MCF2L: variants seen among roughly 807,000 people sequenced by gnomAD.
MCF2L encodes MCF.2 cell line derived transforming sequence like, also known as guanine nucleotide exchange factor DBS.
A neutral mutation model predicts 153.4 loss-of-function variants in MCF2L; 97 were observed. That is an observed-to-expected ratio of 0.63 (90% CI 0.54 to 0.75). MCF2L has a LOEUF of 0.75. Ranked by LOEUF, MCF2L falls within the 30% of genes least tolerant of loss-of-function variation. The pLI is 0.00. For missense variants in MCF2L, 1,347 were observed against 1,495.2 expected (o/e 0.90, Z 1.64); for synonymous variants, 659 against 632.2 (o/e 1.04, Z -0.64).
At chr13:113,088,074 A>G (rs1440345749) in intron 23 of MCF2L, among the ~76,000 whole-genome samples, 2 of 152,092 alleles carry the variant, frequency 1.3e-5, no homozygotes, top group Admixed American at 6.5e-5. Context: ...TCTGGCACGC[A>G]GGGCCGATTC....
At chr13:112,902,508 C>A in intron 2 of MCF2L, 1 of 932,656 alleles carries the variant, frequency 1.1e-6, no homozygotes, top group Non-Finnish European at 1.5e-6. Flanking sequence ...CCCCAGGTAG[C>A]AGGCTGTGGG....
chr13:113,078,508 G>C, intron 14 of MCF2L, 72 bp downstream of exon 14: 1 of 1,452,994 alleles, frequency 6.9e-7, no homozygotes, highest in South Asian at 1.2e-5. Flanking sequence ...GGTTCTCCGT[G>C]TGGCCCCCCC....
upstream of MCF2L, among the ~76,000 whole-genome samples, chr13:112,966,878 C>T (rs557432256): frequency 2.6e-5 from 4 of 152,334 alleles, no homozygotes; most frequent in East Asian, 3.9e-4. The surrounding 1 kb of genome is among the most constrained non-coding windows in gnomAD (Gnocchi z 4.1). Flanking sequence ...TGCACATCCT[C>T]GGGCCCCATC....
Position 113,081,234 on chromosome 13 carries a change from G to A in MCF2L, c.1830G>A (p.Leu610=). The change falls in exon 16 of 30, where the codon CTG becomes CTA. Residue 610 remains leucine (L), a synonymous_variant. Coordinates refer to ENST00000535094, the MANE Select transcript of MCF2L (RefSeq NM_001112732.3). ...ILRRHVMSEL[L]DTERAYVEEL... ...CCAGGCACGTGATGAGCGAGCTCCT[G>A]GACACAGAACGGGCCTACGTGGAGG... 6.3e-7 allele frequency: 1 copy of A among 1,592,058 alleles called. No homozygotes were observed. Among genetic ancestry groups the A allele is most frequent in the Non-Finnish European group, 8.5e-7 (1 of 1,170,306 alleles).
At chr13:112,966,116 G>T (rs2081890524), upstream of MCF2L, 1 of 152,248 alleles carries the variant, frequency 6.6e-6, no homozygotes, top group African/African-American at 2.4e-5. The surrounding 1 kb of genome is among the most constrained non-coding windows in gnomAD (Gnocchi z 4.1). Context: ...GGAGCACTCT[G>T]GCAGGTACCT....
intron 3 of MCF2L, among the ~76,000 whole-genome samples, chr13:113,029,429 G>A (rs2085508198): frequency 6.6e-6 from 1 of 152,236 alleles, no homozygotes; most frequent in African/African-American, 2.4e-5. Context: ...AGTGCAGAGT[G>A]TGTTAAAAAT....
intron 2 of MCF2L, among the ~76,000 whole-genome samples, chr13:112,923,136 A>G (rs1354261864): frequency 6.6e-6 from 1 of 151,842 alleles, no homozygotes; most frequent in African/African-American, 2.4e-5. Flanking sequence ...ATGTTTCACC[A>G]TGTTTGCTTT....
intron 2 of MCF2L, among the ~76,000 whole-genome samples, chr13:112,913,076 GTGAT>G (rs1459240155): frequency 3.3e-5 from 5 of 151,358 alleles, no homozygotes; most frequent in African/African-American, 9.7e-5. Flanking sequence ...GTGTGTCTGT[GTGAT>G]TGTGTGTGTG....
At position 112,983,706 on chromosome 13, in the gene MCF2L, G is replaced by A. The variant is rs185206990; in HGVS notation, c.79+14248G>A. Among the ~76,000 whole-genome samples the A allele has an allele frequency of 1.2e-3, 186 of 152,360 alleles. No individual in the cohort carries two copies. The highest frequency in any genetic ancestry group is 2.0e-3 in the Non-Finnish European group (138 of 68,044). ...GTGACGGACACTTCAGTGCTCTGAC[G>A]CACTGTGGCCCCGGGGAAGCGTGGT... On this transcript the variant is annotated intron_variant, in intron 1 of 29. Coordinates refer to ENST00000535094, the MANE Select transcript of MCF2L (RefSeq NM_001112732.3). The surrounding 1 kb of genome is among the most constrained non-coding windows in gnomAD (Gnocchi z 4.0).
intron 2 of MCF2L, among the ~76,000 whole-genome samples, chr13:112,913,259 CTG>C (rs955512786): frequency 1.7e-4 from 25 of 148,728 alleles, no homozygotes; most frequent in African/African-American, 6.0e-4. Flanking sequence ...TGGTGTATCT[CTG>C]TGTCTGTATG....
chr13:112,916,062 G>A (rs2081288610), intron 2 of MCF2L, among the ~76,000 whole-genome samples: 1 of 148,446 alleles, frequency 6.7e-6, no homozygotes, highest in Non-Finnish European at 1.5e-5. Context: ...AAAAAAATTA[G>A]CCGGGCATGA....
At chr13:113,095,649 G>A (rs2035583676) in intron 27 of MCF2L, 2 of 992,798 alleles carry the variant, frequency 2.0e-6, no homozygotes, top group Non-Finnish European at 2.4e-6. Context: ...CCGTCCTCCT[G>A]CTCCAGGCCA....
Position 112,911,307 on chromosome 13 carries a change from C to A in MCF2L, c.169+8936C>A, listed in dbSNP as rs564637519. On this transcript the variant is annotated intron_variant, in intron 2 of 29. Coordinates refer to the MCF2L transcript ENST00000375608. ...GCCAGGATGGGTCTGGCTGGCGGAGCCCTGTGTCTACACACGTAGCCTTGG... is the reference window on the plus strand; with the variant it reads ...GCCAGGATGGGTCTGGCTGGCGGAGACCTGTGTCTACACACGTAGCCTTGG... 3.6e-4 allele frequency among the ~76,000 whole-genome samples: 55 copies of A among 152,314 alleles called. 1 individual carries two copies. In the South Asian group the frequency reaches 8.9e-3, roughly 25 times the overall value.
chr13:113,013,230 A>G (rs1566735695), intron 1 of MCF2L, among the ~76,000 whole-genome samples: 1 of 152,168 alleles, frequency 6.6e-6, no homozygotes, highest in Admixed American at 6.5e-5. Context: ...TTCATGCTTT[A>G]CTGATTGACT....
chr13:112,933,827 G>T (rs564273857), intron 2 of MCF2L, among the ~76,000 whole-genome samples: 1 of 152,332 alleles, frequency 6.6e-6, no homozygotes, highest in South Asian at 2.1e-4. Context: ...TGCAGCCCCT[G>T]TGGCAGGCCG....
intron 1 of MCF2L, among the ~76,000 whole-genome samples, chr13:112,971,327 G>A (rs377641895): frequency 3.3e-5 from 5 of 152,170 alleles, no homozygotes; most frequent in Admixed American, 6.5e-5. Flanking sequence ...ACTCTTCAGC[G>A]GGAGGTCATG....
chr13:112,901,822 C>T (rs2081122141), intron 1 of MCF2L, among the ~76,000 whole-genome samples: 1 of 152,222 alleles, frequency 6.6e-6, no homozygotes, highest in African/African-American at 2.4e-5. Context: ...GAAAGTTTGC[C>T]AGTTCGGCGA....
chr13:113,048,600 C>G (rs1432465956), intron 4 of MCF2L, among the ~76,000 whole-genome samples: 5 of 152,124 alleles, frequency 3.3e-5, no homozygotes. Flanking sequence ...TGCCACCACG[C>G]CCGGCTAATT....
Position 113,070,233 on chromosome 13 carries a change from G to T in MCF2L, c.996+60G>T, listed in dbSNP as rs536292350. ...GATGCTCACGGGGCCTCCTGTGCCT[G>T]CGCCCTGGTCCCAGTGCCGGGAGCT... is the stretch of plus-strand genomic sequence containing the variant. On this transcript the variant is annotated intron_variant, in intron 9 of 29. Coordinates refer to ENST00000535094, the MANE Select transcript of MCF2L (RefSeq NM_001112732.3). The surrounding 1 kb of genome is among the most constrained non-coding windows in gnomAD (Gnocchi z 5.6). The T allele has an allele frequency of 2.2e-5, 26 of 1,205,546 alleles. No homozygotes were observed. In the African/African-American group the frequency reaches 3.6e-4, roughly 17 times the overall value. 74.7% of individuals were successfully genotyped at this position (1,205,546 alleles called of 1,614,324 possible).
Sources: allele counts gnomAD v4.1 joint callset (sites outside exome capture counted in the v4.1 genomes callset), GRCh38; gene constraint gnomAD v4.1.1; non-coding constraint Gnocchi (gnomAD v3.1); transcripts MANE v1.5; gene names NCBI Gene and HGNC (gene_info 2026-07-23, HGNC 2026-07-21).